Variants in GNA14 observed in about 807,000 individuals in gnomAD.
GNA14 encodes guanine nucleotide-binding protein subunit alpha-14.
Under a neutral mutation model 42.0 loss-of-function variants are expected in GNA14, and 50 were observed. The ratio of observed to expected loss-of-function variants is 1.19; its 90% confidence interval spans 0.95 to 1.51. The LOEUF (loss-of-function observed/expected upper bound fraction) is 1.51. Among genes scored for constraint, GNA14 ranks in the 40% most tolerant of loss-of-function variants. The pLI is 0.00. For synonymous variants in GNA14, 173 were observed against 163.1 expected, an observed-to-expected ratio of 1.06 and a Z score of -0.46; for missense variants, 473 against 446.2, an observed-to-expected ratio of 1.06 and a Z score of -0.54.
chr9:77,535,535 G>A (rs1291762423), intron 1 of GNA14, among the ~76,000 whole-genome samples: 3 of 152,062 alleles, frequency 2.0e-5, no homozygotes, highest in Non-Finnish European at 2.9e-5. Context: ...GGCGACATGC[G>A]AGACTCTGTC....
chr9:77,429,953 T>C (rs1331241958), intron 4 of GNA14, among the ~76,000 whole-genome samples: 1 of 151,014 alleles, frequency 6.6e-6, no homozygotes, highest in Non-Finnish European at 1.5e-5. Flanking sequence ...CACCAGTCCC[T>C]GAAGGCACTG....
chr9:77,474,638 C>A lies in GNA14; in HGVS notation c.310-40116G>T, dbSNP rs555718981. ...ATTACTAAATGGCCCAGCAGTTCCACTCCTAGGCATATACCCAAGAGAACT... is the reference window on the plus strand; with the variant it reads ...ATTACTAAATGGCCCAGCAGTTCCAATCCTAGGCATATACCCAAGAGAACT... On this transcript the variant is annotated intron_variant, in intron 2 of 6. Transcript: ENST00000341700. Among the ~76,000 whole-genome samples, 3 of 152,300 alleles carry A rather than the reference C, an allele frequency of 2.0e-5. No individual in the cohort carries two copies. The South Asian group carries it at 6.2e-4, about 32-fold the overall frequency.
At chr9:77,635,981 C>G (rs1391059034) in intron 1 of GNA14, among the ~76,000 whole-genome samples, 1 of 152,178 alleles carries the variant, frequency 6.6e-6, no homozygotes, top group Non-Finnish European at 1.5e-5. Context: ...AATAAAAATA[C>G]TCTTTGATGC....
chr9:77,645,926 G>A (rs569412880), intron 1 of GNA14, among the ~76,000 whole-genome samples: 1 of 152,208 alleles, frequency 6.6e-6, no homozygotes, highest in South Asian at 2.1e-4. Flanking sequence ...TGGTTTGTGG[G>A]GTTCAGGGCA....
intron 2 of GNA14, among the ~76,000 whole-genome samples, chr9:77,473,204 C>T (rs1299992436): frequency 6.6e-6 from 1 of 152,158 alleles, no homozygotes; most frequent in East Asian, 1.9e-4. Flanking sequence ...TGCCTGTAAT[C>T]CCAATACTTT....
At position 77,516,689 on chromosome 9, in the gene GNA14, G is replaced by A. The variant is rs1287581810; in HGVS notation, c.309+12380C>T. 2.7e-5 allele frequency among the ~76,000 whole-genome samples: 4 copies of A among 150,066 alleles called. No homozygotes were observed. In the East Asian group the frequency reaches 8.0e-4, roughly 30 times the overall value. Reference sequence around the variant, plus strand: ...TGCAGTAAGCTGAGATGGCACCACTGCACTCCAGCCTGGGCAAAAGAGTGA... The same window carrying A: ...TGCAGTAAGCTGAGATGGCACCACTACACTCCAGCCTGGGCAAAAGAGTGA... On this transcript the variant is annotated intron_variant, in intron 2 of 6. Coordinates refer to ENST00000341700, the MANE Select transcript of GNA14 (RefSeq NM_004297.4).
At chr9:77,613,633 A>G (rs1014749172) in intron 1 of GNA14, among the ~76,000 whole-genome samples, 5 of 152,208 alleles carry the variant, frequency 3.3e-5, no homozygotes, top group Admixed American at 3.3e-4. Context: ...ACAGGTATCT[A>G]CTTTTCTCCA....
chr9:77,434,504 T>C lies in GNA14; in HGVS notation c.328A>G (p.Arg110Gly), dbSNP rs776550788. 4.3e-6 allele frequency: 7 copies of C among 1,613,354 alleles called. No homozygotes were observed. The South Asian group carries it at 4.4e-5, about 10-fold the overall frequency. Residue 110 changes from arginine (R) to glycine (G), a missense_variant, in exon 3 of 7, where the codon AGA becomes GGA. Transcript: ENST00000341700. ...GAGACCTTGTCCACTTCCACTTCTC[T>C]GATTATCTGGGCATTTTCCTACTCA... ...EQNKENAQII[R>G]EVEVDKVSML...
At chr9:77,545,049 C>T (rs1837704462) in intron 1 of GNA14, among the ~76,000 whole-genome samples, 1 of 151,670 alleles carries the variant, frequency 6.6e-6, no homozygotes, top group South Asian at 2.1e-4. Context: ...AGGGTAAAGA[C>T]AAAAATTACT....
intron 2 of GNA14, among the ~76,000 whole-genome samples, chr9:77,458,025 A>G (rs951249467): frequency 2.0e-5 from 3 of 151,904 alleles, no homozygotes; most frequent in African/African-American, 7.3e-5. Flanking sequence ...TTAATCCTGG[A>G]TGCATTTTTG....
At chr9:77,639,644 G>A (rs899286886) in intron 1 of GNA14, among the ~76,000 whole-genome samples, 1 of 152,224 alleles carries the variant, frequency 6.6e-6, no homozygotes, top group East Asian at 1.9e-4. Flanking sequence ...GCAGCGACTG[G>A]CAGGGTGGTG....
intron 2 of GNA14, among the ~76,000 whole-genome samples, chr9:77,480,265 T>G (rs1355183645): frequency 2.0e-5 from 3 of 152,212 alleles, no homozygotes; most frequent in African/African-American, 7.2e-5. Context: ...CATGAAGGGT[T>G]GTTGAATTTT....
At chr9:77,593,259 G>A (rs1823416227) in intron 1 of GNA14, among the ~76,000 whole-genome samples, 1 of 152,018 alleles carries the variant, frequency 6.6e-6, no homozygotes, top group South Asian at 2.1e-4. Context: ...TAGCAAGGCA[G>A]TGTTATTACC....
At chr9:77,520,105 TTTA>T (rs1405408366) in intron 2 of GNA14, among the ~76,000 whole-genome samples, 1 of 152,162 alleles carries the variant, frequency 6.6e-6, no homozygotes, top group Non-Finnish European at 1.5e-5. Flanking sequence ...ATTTATTTTT[TTTA>T]AAACTTTTAA....
At chr9:77,566,430 T>C (rs564013301) in intron 1 of GNA14, among the ~76,000 whole-genome samples, 5 of 152,002 alleles carry the variant, frequency 3.3e-5, no homozygotes, top group Non-Finnish European at 5.9e-5. Flanking sequence ...GCAGGGATTA[T>C]AGGCGTGAGC....
chr9:77,611,166 A>C (rs1055163272), intron 1 of GNA14, among the ~76,000 whole-genome samples: 3 of 152,204 alleles, frequency 2.0e-5, no homozygotes, highest in African/African-American at 7.2e-5. Context: ...TCAAGAACTA[A>C]GAAGGGTTGG....
chr9:77,476,874 A>C (rs993182032), intron 2 of GNA14, among the ~76,000 whole-genome samples: 2 of 152,188 alleles, frequency 1.3e-5, no homozygotes, highest in Non-Finnish European at 2.9e-5. Flanking sequence ...TCTGGGTTAA[A>C]GGCCCACCAT....
chr9:77,490,286 C>T (rs1836742924), intron 2 of GNA14, among the ~76,000 whole-genome samples: 1 of 152,386 alleles, frequency 6.6e-6, no homozygotes, highest in Middle Eastern at 3.4e-3. Flanking sequence ...AGACTCTCCA[C>T]GTCCCTACCA....
chr9:77,576,726 C>T lies in GNA14; in HGVS notation c.125-47473G>A, dbSNP rs113137194. 9.9e-5 allele frequency among the ~76,000 whole-genome samples: 15 copies of T among 151,860 alleles called. 2 individuals carry two copies. Among genetic ancestry groups the T allele is most frequent in the African/African-American group, 3.4e-4 (14 of 41,404 alleles). Reference sequence around the variant, plus strand: ...CCTATACTCATTTCCTCAAATTTTACGGAGATGCTCTATGTTCCATGATTC... The same window carrying T: ...CCTATACTCATTTCCTCAAATTTTATGGAGATGCTCTATGTTCCATGATTC... On this transcript the variant is annotated intron_variant, in intron 1 of 6. Transcript: ENST00000341700.
Sources: allele counts gnomAD v4.1 joint callset (sites outside exome capture counted in the v4.1 genomes callset), GRCh38; gene constraint gnomAD v4.1.1; transcripts MANE v1.5; gene names NCBI Gene and HGNC (gene_info 2026-07-23, HGNC 2026-07-21).